The following UBE2H variants were observed in gnomAD, a reference collection of about 807,000 sequenced individuals.
UBE2H encodes the protein ubiquitin conjugating enzyme E2 H.
Under a neutral mutation model 29.0 loss-of-function variants are expected in UBE2H, and 3 were observed. That is an observed-to-expected ratio of 0.10 (90% CI 0.05 to 0.27). UBE2H has a LOEUF of 0.27. Ranked by LOEUF, UBE2H falls within the 10% of genes least tolerant of loss-of-function variation. The probability of loss-of-function intolerance (pLI) is 1.00; values close to 1 mark genes in which losing one functional copy is unlikely to be tolerated. For missense variants in UBE2H, 68 were observed against 228.2 expected, an observed-to-expected ratio of 0.30 and a Z score of 4.52; for synonymous variants, 69 against 82.9, an observed-to-expected ratio of 0.83 and a Z score of 0.91.
chr7:129,926,818 G>C (rs1807279646), intron 1 of UBE2H, among the ~76,000 whole-genome samples: 1 of 152,120 alleles, frequency 6.6e-6, no homozygotes. Context: ...CAGAGTGTCA[G>C]ATCATAAAAA....
At chr7:129,874,311 ATTTT>A in intron 3 of UBE2H, among the ~76,000 whole-genome samples, 1 of 140,628 alleles carries the variant, frequency 7.1e-6, no homozygotes, top group African/African-American at 2.6e-5. Flanking sequence ...TATATATATA[ATTTT>A]TTTTTTTTTT....
intron 2 of UBE2H, among the ~76,000 whole-genome samples, chr7:129,880,552 A>G (rs996654642): frequency 1.3e-5 from 2 of 152,218 alleles, no homozygotes; most frequent in African/African-American, 2.4e-5. Context: ...AACTATTTAC[A>G]TAACATTTGC....
At chr7:129,862,160 G>A (rs1339768730) in intron 3 of UBE2H, among the ~76,000 whole-genome samples, 3 of 152,092 alleles carry the variant, frequency 2.0e-5, no homozygotes, top group African/African-American at 7.2e-5. Flanking sequence ...GATGAGTGGG[G>A]AACAATGCTG....
In UBE2H at chr7:129,907,033, G is replaced by C. The variant is rs1051727658; in HGVS notation, c.54-26062C>G. Among the ~76,000 whole-genome samples the C allele has an allele frequency of 1.1e-4, 17 of 152,174 alleles. No homozygotes were observed. The East Asian group carries it at 3.1e-3, about 28-fold the overall frequency. ...GTCTCTACGTCAATGGTACAACAGAGTACTATTCTCCCCAGTAGTGTTACT... is the reference window on the plus strand; with the variant it reads ...GTCTCTACGTCAATGGTACAACAGACTACTATTCTCCCCAGTAGTGTTACT... On this transcript the variant is annotated intron_variant, in intron 1 of 6. Transcript: ENST00000355621.
At chr7:129,878,278 T>G (rs553954904) in intron 3 of UBE2H, among the ~76,000 whole-genome samples, 1 of 152,228 alleles carries the variant, frequency 6.6e-6, no homozygotes, top group African/African-American at 2.4e-5. Flanking sequence ...TTCACAACGC[T>G]GAAACTTAGA....
chr7:129,871,713 C>CAAA (rs369901584), intron 3 of UBE2H, among the ~76,000 whole-genome samples: 1 of 124,402 alleles, frequency 8.0e-6, no homozygotes, highest in Non-Finnish European at 1.7e-5. Context: ...GACTCTGTAT[C>CAAA]AAAAAAAAAA....
chr7:129,916,944 G>A (rs1049773855), intron 1 of UBE2H, among the ~76,000 whole-genome samples: 1 of 151,796 alleles, frequency 6.6e-6, no homozygotes, highest in Admixed American at 6.6e-5. Context: ...GGCTGAGGCA[G>A]GAGAATGGCG....
intron 1 of UBE2H, among the ~76,000 whole-genome samples, chr7:129,894,015 C>A (rs193205401): frequency 1.3e-5 from 2 of 152,272 alleles, no homozygotes; most frequent in Admixed American, 1.3e-4. Context: ...ATGAGCAGGG[C>A]ATGGAGGCAC....
intron 1 of UBE2H, among the ~76,000 whole-genome samples, chr7:129,898,420 C>T (rs1476293537): frequency 6.6e-6 from 1 of 151,990 alleles, no homozygotes. Context: ...TTTAAATATG[C>T]ATCAACAATA....
chr7:129,901,030 C>T (rs1224510750), intron 1 of UBE2H, among the ~76,000 whole-genome samples: 1 of 152,070 alleles, frequency 6.6e-6, no homozygotes, highest in African/African-American at 2.4e-5. Flanking sequence ...GATTAACAGG[C>T]GTGACTCACC....
chr7:129,929,094 G>A (rs1014454974), intron 1 of UBE2H, among the ~76,000 whole-genome samples: 5 of 151,988 alleles, frequency 3.3e-5, no homozygotes, highest in African/African-American at 4.8e-5. Context: ...CGAGGCAGGC[G>A]GATCACCTGA....
intron 1 of UBE2H, among the ~76,000 whole-genome samples, chr7:129,906,156 T>TACC (rs1228619353): frequency 6.6e-6 from 1 of 151,750 alleles, no homozygotes; most frequent in African/African-American, 2.4e-5. Flanking sequence ...GGGTACTAAC[T>TACC]ACCAAGAGAT....
chr7:129,951,831 G>A (rs755055972), intron 1 of UBE2H, among the ~76,000 whole-genome samples: 2 of 152,228 alleles, frequency 1.3e-5, no homozygotes, highest in Admixed American at 1.3e-4. Flanking sequence ...GAGGGCCCGG[G>A]GGTCTTCATC....
chr7:129,895,075 A>G (rs1806573331), intron 1 of UBE2H, among the ~76,000 whole-genome samples: 1 of 152,242 alleles, frequency 6.6e-6, no homozygotes, highest in Non-Finnish European at 1.5e-5. Flanking sequence ...TCTGGTACTT[A>G]ATTAAAATCC....
chr7:129,844,759 A>C (rs1277635479), intron 5 of UBE2H, among the ~76,000 whole-genome samples: 1 of 152,224 alleles, frequency 6.6e-6, no homozygotes, highest in Non-Finnish European at 1.5e-5. Context: ...CTGACTCTTC[A>C]GTCTGATCTT....
intron 1 of UBE2H, among the ~76,000 whole-genome samples, chr7:129,892,002 G>A (rs1489865958): frequency 7.0e-6 from 1 of 143,010 alleles, no homozygotes; most frequent in African/African-American, 2.5e-5. Flanking sequence ...GCCCAGACTG[G>A]AGTGTAGGGG....
intron 5 of UBE2H, among the ~76,000 whole-genome samples, chr7:129,842,837 A>T (rs1485645197): frequency 6.6e-6 from 1 of 152,010 alleles, no homozygotes; most frequent in East Asian, 1.9e-4. Context: ...CAGGAGGTGG[A>T]GTTTGCAGTG....
intron 1 of UBE2H, among the ~76,000 whole-genome samples, chr7:129,898,022 A>G (rs976875622): frequency 2.6e-5 from 4 of 152,232 alleles, no homozygotes; most frequent in Admixed American, 1.3e-4. Flanking sequence ...GCTTTTTAAA[A>G]AAACCCATAG....
chr7:129,946,045 C>G (rs1233427409), intron 1 of UBE2H, among the ~76,000 whole-genome samples: 1 of 136,842 alleles, frequency 7.3e-6, no homozygotes, highest in Non-Finnish European at 1.5e-5. Flanking sequence ...TGTGCCCAGC[C>G]TAGTCATTAT....
Sources: gnomAD v4.1 joint callset for allele counts (sites outside exome capture counted in the v4.1 genomes callset) on GRCh38, gnomAD v4.1.1 for gene constraint, MANE v1.5 for transcripts, NCBI Gene and HGNC (gene_info 2026-07-23, HGNC 2026-07-21) for gene names.